TACC2: variants seen among roughly 807,000 people sequenced by gnomAD.
TACC2 encodes transforming acidic coiled-coil containing protein 2, also known as transforming acidic coiled-coil-containing protein 2.
A neutral mutation model predicts 227.3 loss-of-function variants in TACC2; 137 were observed. That is an observed-to-expected ratio of 0.60 (90% CI 0.52 to 0.69). The LOEUF (loss-of-function observed/expected upper bound fraction) is 0.69. Among genes scored for constraint, TACC2 ranks in the 30% least tolerant of loss-of-function variants. The probability of loss-of-function intolerance (pLI) is 0.00; values close to 1 mark genes in which losing one functional copy is unlikely to be tolerated. For missense variants in TACC2, 3,470 were observed against 3,694.4 expected (o/e 0.94, Z 1.57); for synonymous variants, 1,523 against 1,487.5 (o/e 1.02, Z -0.55).
At chr10:122,239,271 A>C (rs2095930883) in intron 18 of TACC2, among the ~76,000 whole-genome samples, 1 of 152,224 alleles carries the variant, frequency 6.6e-6, no homozygotes, top group Non-Finnish European at 1.5e-5. Flanking sequence ...GGCCTCCCAA[A>C]GTTCTGGGAT....
At chr10:122,088,754 G>C in intron 5 of TACC2, 163 bp downstream of exon 5, 1 of 1,532,464 alleles carries the variant, frequency 6.5e-7, no homozygotes, top group Non-Finnish European at 8.7e-7. Context: ...GCAGTACCTG[G>C]GATGACTAAA....
intron 5 of TACC2, among the ~76,000 whole-genome samples, chr10:122,131,841 A>G (rs1027246971): frequency 2.7e-5 from 4 of 150,636 alleles, no homozygotes; most frequent in Admixed American, 2.6e-4. Context: ...GGCCAACATG[A>G]TGAAACCCCA....
intron 5 of TACC2, among the ~76,000 whole-genome samples, chr10:122,103,059 A>G (rs1007861783): frequency 2.6e-5 from 4 of 152,276 alleles, no homozygotes; most frequent in East Asian, 3.9e-4. Context: ...CTTAGCTCAG[A>G]AGACTAAAGC....
intron 7 of TACC2, among the ~76,000 whole-genome samples, chr10:122,156,937 C>A (rs1329054600): frequency 6.6e-6 from 1 of 151,736 alleles, no homozygotes; most frequent in East Asian, 1.9e-4. Flanking sequence ...ATAGTGAGAC[C>A]ACATCTCTAC....
chr10:122,069,457 T>C (rs2077782611), intron 3 of TACC2, among the ~76,000 whole-genome samples: 1 of 152,072 alleles, frequency 6.6e-6, no homozygotes, highest in South Asian at 2.1e-4. Context: ...TTAGCCAGGA[T>C]GGTCTTGATC....
intron 2 of TACC2, chr10:122,033,159 G>A: frequency 7.8e-7 from 1 of 1,289,026 alleles, no homozygotes; most frequent in Non-Finnish European, 1.0e-6. Flanking sequence ...CACAGGTACT[G>A]GGGAATGTGC....
At chr10:122,082,232 G>T (rs555890215) in intron 3 of TACC2, among the ~76,000 whole-genome samples, 1 of 152,166 alleles carries the variant, frequency 6.6e-6, no homozygotes, top group Non-Finnish European at 1.5e-5. Flanking sequence ...TGCTTGAGCC[G>T]AGGAGGCCTA....
intron 2 of TACC2, among the ~76,000 whole-genome samples, chr10:122,038,319 A>G (rs115093219): frequency 0.019 from 2,856 of 152,330 alleles, 79 homozygotes; most frequent in African/African-American, 0.061. Context: ...GAGGGCTGAC[A>G]TGAAAAAAGT....
intron 5 of TACC2, chr10:122,112,940 C>G (rs2083892880): frequency 6.6e-6 from 1 of 152,040 alleles, no homozygotes; most frequent in African/African-American, 2.4e-5. Flanking sequence ...GCTGGCCGAG[C>G]GCTGCCCCGG....
rs1455386109 is a variant in TACC2 at position 122,087,878 on chromosome 10, G to A, written c.5378G>A (p.Cys1793Tyr). The A allele has an allele frequency of 6.6e-7, 1 of 1,519,964 alleles. No homozygotes were observed. Among genetic ancestry groups the A allele is most frequent in the Non-Finnish European group, 8.8e-7 (1 of 1,135,268 alleles). The allele number at this position is 1,519,964 out of a possible 1,614,324, so 94.2% of individuals were successfully genotyped here. A position where few individuals can be genotyped will look rare whatever the true frequency, so the allele number is the denominator to read the frequency against. ...RPIPAGDGKV[C>Y]VSSPPEPDET... ...ATTCCAGCTGGGGATGGGAAGGTGT[G>A]CGTCTCCTCACCTCCAGAGCCTGAC... Residue 1793 changes from cysteine (C) to tyrosine (Y), a missense_variant, in exon 4 of 23, where the codon TGC (cysteine) becomes TAC (tyrosine). Transcript: ENST00000369005.
chr10:122,045,629 A>C (rs2074885908), intron 2 of TACC2, among the ~76,000 whole-genome samples: 1 of 152,260 alleles, frequency 6.6e-6, no homozygotes, highest in African/African-American at 2.4e-5. Context: ...TGGAAAGAGC[A>C]CTGGACTTCA....
chr10:122,216,783 C>A lies in TACC2; in HGVS notation c.7501C>A (p.Leu2501Met), dbSNP rs749802502. The A allele has an allele frequency of 3.1e-6, 5 of 1,614,156 alleles. No individual in the cohort carries two copies. The highest frequency in any genetic ancestry group is 4.2e-6 in the Non-Finnish European group (5 of 1,180,038). Reference sequence around the variant, plus strand: ...ACAGGACTACCCGCAGCCCTCGGACCTGTCCACCTTTGTAAACGAGACCAA... The same window carrying A: ...ACAGGACTACCCGCAGCCCTCGGACATGTCCACCTTTGTAAACGAGACCAA... Reference protein sequence around the residue: ...DKQDYPQPSDLSTFVNETKFS... With the variant: ...DKQDYPQPSDMSTFVNETKFS... Residue 2501 changes from leucine (L) to methionine (M), a missense_variant, in exon 11 of 23, where the codon CTG (leucine) becomes ATG (methionine). This residue lies in a region of TACC2 where 345 missense variants were observed against 354.4 expected (regional missense o/e 0.97). Transcript: ENST00000369005.
rs758613158 is a variant in TACC2, at chr10:122,083,608, A to G, written c.1108A>G (p.Ile370Val). 8 of 1,612,066 alleles carry G rather than the reference A, an allele frequency of 5.0e-6. No individual in the cohort carries two copies. The highest frequency in any genetic ancestry group is 1.6e-4 in the Middle Eastern group (1 of 6,062). Reference sequence around the variant, plus strand: ...CTCTGGGAAGGAGGCTCTGGACACCATTGATGTTCAGGGTCACCCACAGAC... The same window carrying G: ...CTCTGGGAAGGAGGCTCTGGACACCGTTGATGTTCAGGGTCACCCACAGAC... ...GGSGKEALDT[I>V]DVQGHPQTGM... Residue 370 changes from isoleucine (I) to valine (V), a missense_variant, in exon 4 of 23, where the codon ATT becomes GTT. Transcript: ENST00000369005.
intron 3 of TACC2, among the ~76,000 whole-genome samples, chr10:122,072,681 C>T (rs2078216903): frequency 6.6e-6 from 1 of 152,200 alleles, no homozygotes; most frequent in East Asian, 1.9e-4. Flanking sequence ...TCCCACGGTG[C>T]AGGTGTCAAC....
At chr10:122,005,497 A>G (rs1485090463) in intron 1 of TACC2, among the ~76,000 whole-genome samples, 1 of 142,790 alleles carries the variant, frequency 7.0e-6, no homozygotes, top group East Asian at 2.1e-4. Flanking sequence ...CCATTCTCCC[A>G]CCTCAGCCTC....
At chr10:122,226,507 A>AACTCT in intron 13 of TACC2, 26 bp downstream of exon 13, 6 of 1,489,270 alleles carry the variant, frequency 4.0e-6, no homozygotes, top group Non-Finnish European at 5.6e-6. Context: ...TGAGAGAGTT[A>AACTCT]CACATCATGC....
At chr10:122,138,751 G>A (rs2090079056) in intron 6 of TACC2, among the ~76,000 whole-genome samples, 1 of 152,108 alleles carries the variant, frequency 6.6e-6, no homozygotes, top group Non-Finnish European at 1.5e-5. Context: ...CTGCTGTTGG[G>A]GTTGAACCAC....
Position 122,087,475 on chromosome 10 carries a change from G to A in TACC2, c.4975G>A (p.Glu1659Lys), listed in dbSNP as rs746232229. Residue 1659 changes from glutamate to lysine, a missense_variant, in exon 4 of 23, where the codon GAA becomes AAA. Physicochemically the swap from Glu to Lys is moderately conservative, Grantham distance 56. Around this residue, in one of 10 missense-constraint regions of TACC2, gnomAD observed 1,924 missense variants for 1,978.3 expected, o/e 0.97. Coordinates refer to ENST00000369005, the MANE Select transcript of TACC2 (RefSeq NM_206862.4). The part of the protein sequence containing the change: ...EPWTLDTLGG[E>K]RRPGVTAGIL... Reference sequence around the variant, plus strand: ...CTGGACCCTTGACACGCTTGGGGGTGAAAGGAGACCCGGAGTCACTGCTGG... The same window carrying A: ...CTGGACCCTTGACACGCTTGGGGGTAAAAGGAGACCCGGAGTCACTGCTGG... The A allele has an allele frequency of 3.7e-6, 6 of 1,614,040 alleles. No homozygotes were observed. In the South Asian group the frequency reaches 6.6e-5, roughly 18 times the overall value.
intron 5 of TACC2, 135 bp downstream of exon 5, chr10:122,088,726 G>T (rs531213162): frequency 6.5e-6 from 10 of 1,542,498 alleles, no homozygotes; most frequent in South Asian, 1.2e-5. Context: ...GGCCATTCCC[G>T]TTTTATGTAC....
Sources: allele counts gnomAD v4.1 joint callset (sites outside exome capture counted in the v4.1 genomes callset), GRCh38; gene constraint gnomAD v4.1.1; regional missense constraint gnomAD v4.1.1; transcripts MANE v1.5; gene names NCBI Gene and HGNC (gene_info 2026-07-23, HGNC 2026-07-21).